RAD51D: variants seen among roughly 807,000 people sequenced by gnomAD.
RAD51D encodes DNA repair protein RAD51 homolog 4.
Under a neutral mutation model 44.1 loss-of-function variants are expected in RAD51D, and 38 were observed. The ratio of observed to expected loss-of-function variants is 0.86; its 90% confidence interval spans 0.67 to 1.13. The LOEUF is 1.13. RAD51D is among the 50% of genes most tolerant of loss of function. The pLI is 0.00. For synonymous variants in RAD51D, 141 were observed against 166.6 expected (o/e 0.85, Z 1.18); for missense variants, 390 against 414.0 (o/e 0.94, Z 0.50).
chr17:35,100,637 G>C lies in RAD51D; in HGVS notation c.*316C>G, dbSNP rs904085683. The C allele has an allele frequency of 8.9e-6, 5 of 560,766 alleles. No individual in the cohort carries two copies. The Admixed American group carries it at 1.2e-4, about 13-fold the overall frequency. The allele number at this position is 560,766 out of a possible 1,614,324, so 34.7% of individuals were successfully genotyped here. A position where few individuals can be genotyped will look rare whatever the true frequency, so the allele number is the denominator to read the frequency against. On this transcript the variant is annotated 3_prime_UTR_variant, in exon 10 of 10. Coordinates refer to ENST00000345365, the MANE Select transcript of RAD51D (RefSeq NM_002878.4). ...GGTGATGCACAGGATTATCCATCCA[G>C]TCGCCAGCATGCCTCATCAGAGATG...
rs770147648 is a variant in RAD51D, at chr17:35,107,418, T to C, written c.293A>G (p.Tyr98Cys). 3 of 1,562,946 alleles carry C rather than the reference T, an allele frequency of 1.9e-6. No homozygotes were observed. Among genetic ancestry groups the C allele is most frequent in the East Asian group, 2.2e-5 (1 of 44,630 alleles). Residue 98 changes from tyrosine (Y) to cysteine (C), a missense_variant, in exon 4 of 10, where the codon TAT becomes TGT. By Grantham distance (194) the Tyr-to-Cys change is radical. Coordinates refer to ENST00000345365, the MANE Select transcript of RAD51D (RefSeq NM_002878.4). The stretch of plus-strand genomic sequence containing the variant: ...TACAATTTCAGTCACTTCTCCAGTA[T>C]AGAGACCAGCATCAAGCAGTTTATC... ...SLDKLLDAGLYTGEVTEIVGG... is the reference protein window; with the variant it reads ...SLDKLLDAGLCTGEVTEIVGG...
At position 35,103,277 on chromosome 17, in the gene RAD51D, G is replaced by A. The variant is rs770250516; in HGVS notation, c.715C>T (p.Arg239Trp). ...ACCACCACTGCCATGCCAAGGTCCC[G>A]GGCCAGGGTCTTCAGCTCTCGGGCC... The part of the protein sequence containing the change: ...QLARELKTLA[R>W]DLGMAVVVTN... Residue 239 changes from arginine to tryptophan, a missense_variant, in exon 8 of 10, where the codon CGG becomes TGG. Coordinates refer to ENST00000345365, the MANE Select transcript of RAD51D (RefSeq NM_002878.4). The surrounding 1 kb of genome is among the most constrained non-coding windows in gnomAD (Gnocchi z 4.1). 2.0e-5 allele frequency: 32 copies of A among 1,611,014 alleles called. 1 individual carries two copies. The Middle Eastern group carries it at 8.4e-4, about 42-fold the overall frequency.
rs374318553 is a variant in RAD51D, at chr17:35,101,001, G to C, written c.939C>G (p.Thr313=). Residue 313 remains threonine (T), a synonymous_variant, in exon 10 of 10, where the codon ACC becomes ACG. Coordinates refer to ENST00000345365, the MANE Select transcript of RAD51D (RefSeq NM_002878.4). ...TGGCACTCTGCTCTGAGGTCCCCCA[G>C]GTCCCAATGTCTACCATCTCCTGGA... The part of the protein sequence containing the change: ...TGFQEMVDIG[T]WGTSEQSATL... 1.9e-6 allele frequency: 3 copies of C among 1,613,792 alleles called. No individual in the cohort carries two copies. The African/African-American group carries it at 4.0e-5, about 22-fold the overall frequency.
At position 35,118,679 on chromosome 17, in the gene RAD51D, G is replaced by GT. The variant is rs1457531585; in HGVS notation, c.145-61dup. The GT allele has an allele frequency of 4.7e-6, 6 of 1,288,944 alleles. No homozygotes were observed. In the African/African-American group the frequency reaches 7.3e-5, roughly 16 times the overall value. The allele number at this position is 1,288,944 out of a possible 1,614,324, so 79.8% of individuals were successfully genotyped here. A position where few individuals can be genotyped will look rare whatever the true frequency, so the allele number is the denominator to read the frequency against. On this transcript the variant is annotated intron_variant, in intron 2 of 9. Transcript: ENST00000345365. ...TGCCCGTAGAAGCTGGCATCCCAGG[G>GT]TGTCATTCACCCTACTTCTCAATAT...
chr17:35,115,037 T>G (rs923655244), intron 3 of RAD51D, among the ~76,000 whole-genome samples: 1 of 152,178 alleles, frequency 6.6e-6, no homozygotes, highest in Non-Finnish European at 1.5e-5. Flanking sequence ...ACTTCTCACC[T>G]GAGTTTCCAT....
chr17:35,105,847 T>A (rs1042703937), intron 6 of RAD51D, among the ~76,000 whole-genome samples: 1 of 152,030 alleles, frequency 6.6e-6, no homozygotes, highest in African/African-American at 2.4e-5. Flanking sequence ...TGGAGAAAGA[T>A]TCTTCATCCC....
intron 6 of RAD51D, chr17:35,104,858 A>T: frequency 6.9e-6 from 1 of 143,920 alleles, no homozygotes. Flanking sequence ...TTTTTAAGAC[A>T]GGGTCTTGCT....
chr17:35,106,485 A>C lies in RAD51D; in HGVS notation c.481-4T>G, dbSNP rs876659339. On this transcript the variant is annotated splice_region_variant and splice_polypyrimidine_tract_variant and intron_variant, in intron 5 of 9. Transcript: ENST00000345365. Reference sequence around the variant, plus strand: ...GGATCCTCCGGAGAGCTTCTGCCTGAAGCGGTGGAAAAGAAAAGCAAGGAC... The same window carrying C: ...GGATCCTCCGGAGAGCTTCTGCCTGCAGCGGTGGAAAAGAAAAGCAAGGAC... 6.2e-7 allele frequency: 1 copy of C among 1,609,144 alleles called. No individual in the cohort carries two copies. Among genetic ancestry groups the C allele is most frequent in the South Asian group, 1.1e-5 (1 of 90,250 alleles).
chr17:35,119,384 A>C lies in RAD51D; in HGVS notation c.82+148T>G, dbSNP rs1192953048. 6 of 1,033,894 alleles carry C rather than the reference A, an allele frequency of 5.8e-6. No homozygotes were observed. The East Asian group carries it at 1.4e-4, about 25-fold the overall frequency. 64.0% of individuals were successfully genotyped at this position (1,033,894 alleles called of 1,614,324 possible). ...TTTTAGAGCTTGGCTCCCCACGCCC[A>C]CCCTTCCTGAGCCTCTCCAGAAGCG... On this transcript the variant is annotated intron_variant, in intron 1 of 9. Coordinates refer to ENST00000345365, the MANE Select transcript of RAD51D (RefSeq NM_002878.4).
rs139642328 is a variant in RAD51D, at chr17:35,119,534, G to A, written c.80C>T (p.Thr27Ile). The A allele has an allele frequency of 6.2e-7, 1 of 1,611,852 alleles. No individual in the cohort carries two copies. The highest frequency in any genetic ancestry group is 8.5e-7 in the Non-Finnish European group (1 of 1,179,912). ...CTGGCACGCGCACACCCGGTCACCT[G>A]TCTTGATCCTGTGGCTCCTGAGAAG... ...IQLLRSHRIK[T>I]VVDLVSADLE... The change falls in exon 1 of 10, where the codon ACA becomes ATA. Residue 27 changes from threonine (T) to isoleucine (I), a missense_variant and splice_region_variant. By Grantham distance (89) the Thr-to-Ile change is moderately conservative. Coordinates refer to ENST00000345365, the MANE Select transcript of RAD51D (RefSeq NM_002878.4).
At position 35,092,228 on chromosome 17, in the gene RAD51D, G is replaced by C. The variant is rs73287010; in HGVS notation, c.*8725C>G. ...ACATATTTATAGGAGCTGTTTACTT[G>C]GACATATTTTTATTATTTCTACTCA... On this transcript the variant is annotated 3_prime_UTR_variant, in exon 10 of 10. Transcript: ENST00000345365. 7.7e-4 allele frequency: 117 copies of C among 152,246 alleles called. No homozygotes were observed. Among genetic ancestry groups the C allele is most frequent in the African/African-American group, 2.7e-3 (112 of 41,534 alleles). 9.4% of individuals were successfully genotyped at this position (152,246 alleles called of 1,614,324 possible).
rs138430446 is a variant in RAD51D, at chr17:35,114,816, T to C, written c.263+3685A>G. Among the ~76,000 whole-genome samples, 783 of 152,358 alleles carry C rather than the reference T, an allele frequency of 5.1e-3. 2 individuals carry two copies. The highest frequency in any genetic ancestry group is 0.018 in the African/African-American group (741 of 41,576). On this transcript the variant is annotated intron_variant, in intron 3 of 9. Transcript: ENST00000345365. ...TAAAAGAGTCCTCAGGTGACTCCAATGGGCACACAAGTTTGGGAACCACTG... is the reference window on the plus strand; with the variant it reads ...TAAAAGAGTCCTCAGGTGACTCCAACGGGCACACAAGTTTGGGAACCACTG...
chr17:35,099,752 C>T lies in RAD51D; in HGVS notation c.*1201G>A. 1 of 410,292 alleles carries T rather than the reference C, an allele frequency of 2.4e-6. No individual in the cohort carries two copies. The highest frequency in any genetic ancestry group is 4.8e-6 in the Non-Finnish European group (1 of 210,276). The allele number at this position is 410,292 out of a possible 1,614,324, so 25.4% of individuals were successfully genotyped here. ...CAGGCTCTCTAACCAAGAAAGATGACCTTCCTTTAAAAGATGTGGCCAGTA... is the reference window on the plus strand; with the variant it reads ...CAGGCTCTCTAACCAAGAAAGATGATCTTCCTTTAAAAGATGTGGCCAGTA... On this transcript the variant is annotated 3_prime_UTR_variant, in exon 10 of 10. Coordinates refer to ENST00000345365, the MANE Select transcript of RAD51D (RefSeq NM_002878.4).
At chr17:35,119,506 TC>T in intron 1 of RAD51D, 25 bp downstream of exon 1, 1 of 1,608,724 alleles carries the variant, frequency 6.2e-7, no homozygotes. Flanking sequence ...CCCGCGCGGC[TC>T]CCTGGCACGC....
chr17:35,119,484 G>C (rs1317287903), intron 1 of RAD51D, 48 bp downstream of exon 1: 1 of 1,594,372 alleles, frequency 6.3e-7, no homozygotes, highest in Non-Finnish European at 8.6e-7. Context: ...GGCCTGCCCA[G>C]GTTGTGCGAG....
chr17:35,108,141 A>C (rs2091632091), intron 3 of RAD51D, among the ~76,000 whole-genome samples: 1 of 150,906 alleles, frequency 6.6e-6, no homozygotes, highest in Non-Finnish European at 1.5e-5. Flanking sequence ...GCTACTCAGG[A>C]GGCTGAGGCA....
At chr17:35,119,322 G>A in intron 1 of RAD51D, 150 bp from the exon 2 acceptor site, 2 of 916,714 alleles carry the variant, frequency 2.2e-6, no homozygotes, top group East Asian at 2.6e-5. Context: ...GCAGGAGCCG[G>A]CGCGGTGCCC....
rs112677858 is a variant in RAD51D at position 35,104,512 on chromosome 17, A to T, written c.577-968T>A. ...TGCCTCAGCTTCCTAAGTAGCTGTG[A>T]CTATGGGTGCACACATTGGGTGCAC... On this transcript the variant is annotated intron_variant, in intron 6 of 9. Coordinates refer to ENST00000345365, the MANE Select transcript of RAD51D (RefSeq NM_002878.4). Among the ~76,000 whole-genome samples, 550 of 152,314 alleles carry T rather than the reference A, an allele frequency of 3.6e-3. 3 individuals carry two copies. The highest frequency in any genetic ancestry group is 6.2e-3 in the Non-Finnish European group (423 of 68,036).
chr17:35,104,741 G>A (rs2091578931), intron 6 of RAD51D: 2 of 151,982 alleles, frequency 1.3e-5, no homozygotes. Flanking sequence ...AATCCTCCTG[G>A]TTTCCCTGGA....
Sources: allele counts gnomAD v4.1 joint callset (sites outside exome capture counted in the v4.1 genomes callset), GRCh38; gene constraint gnomAD v4.1.1; non-coding constraint Gnocchi (gnomAD v3.1); transcripts MANE v1.5; gene names NCBI Gene and HGNC (gene_info 2026-07-23, HGNC 2026-07-21).